Variants in RIMS1 observed in about 807,000 individuals in gnomAD.
The protein encoded by RIMS1 is regulating synaptic membrane exocytosis 1.
In RIMS1, 83 loss-of-function variants were observed where a neutral mutation model predicts 214.1. The observed-to-expected ratio is 0.39, with a 90% CI of 0.32 to 0.47. The LOEUF is 0.47. Among genes scored for constraint, RIMS1 ranks in the 20% least tolerant of loss-of-function variants. The pLI, the probability that RIMS1 is intolerant of heterozygous loss-of-function variation, is 0.99. For missense variants in RIMS1, 2,050 were observed against 2,161.8 expected (o/e 0.95, Z 1.03); for synonymous variants, 793 against 786.8 (o/e 1.01, Z -0.13).
chr6:72,166,574 T>C (rs531961346), intron 4 of RIMS1, among the ~76,000 whole-genome samples: 1 of 152,242 alleles, frequency 6.6e-6, no homozygotes, highest in African/African-American at 2.4e-5. Context: ...TAAACTGTAT[T>C]TTTAAAAATT....
intron 2 of RIMS1, among the ~76,000 whole-genome samples, chr6:71,984,729 CTATGTATCCATCTGTG>C (rs754311249): frequency 2.4e-4 from 36 of 151,532 alleles, no homozygotes; most frequent in Non-Finnish European, 4.9e-4. Context: ...ACCTTCATAT[CTATGTATCCATCTGTG>C]TATGTATGTA....
rs190392984 is a variant in RIMS1, at chr6:72,061,223, A to G, written c.246-35726A>G. ...GAAGGAATTATGAAATACCTGCACT[A>G]TATCTTTGTTGACATTATAATACTA... On this transcript the variant is annotated intron_variant, in intron 2 of 33. Coordinates refer to ENST00000521978, the MANE Select transcript of RIMS1 (RefSeq NM_014989.7). 1.4e-3 allele frequency among the ~76,000 whole-genome samples: 220 copies of G among 152,326 alleles called. 1 individual carries two copies. The highest frequency in any genetic ancestry group is 5.0e-3 in the African/African-American group (207 of 41,568).
intron 29 of RIMS1, among the ~76,000 whole-genome samples, chr6:72,381,616 C>T (rs1008969480): frequency 8.5e-5 from 13 of 152,132 alleles, no homozygotes; most frequent in South Asian, 2.1e-4. Context: ...TTAAAACATA[C>T]GAAAAGCCAT....
rs2079709043 is a variant in RIMS1 at position 72,264,879 on chromosome 6, A to G, written c.3117-96A>G. ...AAAAAATGACCAAAGATTTATCTAT[A>G]TAGCTTTATAGGCCTCCTACTTTCT... is the stretch of plus-strand genomic sequence containing the variant. On this transcript the variant is annotated intron_variant, in intron 19 of 33. Coordinates refer to ENST00000521978, the MANE Select transcript of RIMS1 (RefSeq NM_014989.7). The G allele has an allele frequency of 8.6e-6, 6 of 699,398 alleles. 1 individual carries two copies. The South Asian group carries it at 1.1e-4, about 13-fold the overall frequency. The allele number at this position is 699,398 out of a possible 1,614,324, so 43.3% of individuals were successfully genotyped here. A position where few individuals can be genotyped will look rare whatever the true frequency, so the allele number is the denominator to read the frequency against.
At chr6:72,181,124 T>C (rs1438279229) in intron 5 of RIMS1, among the ~76,000 whole-genome samples, 1 of 152,186 alleles carries the variant, frequency 6.6e-6, no homozygotes, top group Non-Finnish European at 1.5e-5. Flanking sequence ...CACACTATTC[T>C]AGGGAAGACA....
chr6:72,133,097 A>C (rs997313906), intron 4 of RIMS1, among the ~76,000 whole-genome samples: 2 of 152,224 alleles, frequency 1.3e-5, no homozygotes, highest in South Asian at 2.1e-4. Flanking sequence ...GACAGGCAAC[A>C]GGAAATAAGC....
chr6:72,165,454 G>A (rs1317576031), intron 4 of RIMS1, among the ~76,000 whole-genome samples: 1 of 151,866 alleles, frequency 6.6e-6, no homozygotes, highest in Non-Finnish European at 1.5e-5. Flanking sequence ...GGGTCGGTTG[G>A]TCTATTTTCA....
intron 26 of RIMS1, among the ~76,000 whole-genome samples, chr6:72,304,313 TA>T (rs2154277495): frequency 6.6e-6 from 1 of 151,882 alleles, no homozygotes; most frequent in East Asian, 1.9e-4. Flanking sequence ...GTTAAAATAA[TA>T]TAAAAATTTT....
At chr6:72,035,911 A>G (rs1819497427) in intron 2 of RIMS1, among the ~76,000 whole-genome samples, 1 of 152,202 alleles carries the variant, frequency 6.6e-6, no homozygotes, top group African/African-American at 2.4e-5. Context: ...ACTTTTGAAT[A>G]GAAAGGTACT....
chr6:72,304,053 A>G (rs1345766955), intron 26 of RIMS1, among the ~76,000 whole-genome samples: 1 of 151,614 alleles, frequency 6.6e-6, no homozygotes, highest in Non-Finnish European at 1.5e-5. Flanking sequence ...CATTTCTTGT[A>G]AAAAATGAAA....
chr6:72,093,228 AAAAACATGTGTG>A (rs1836809297), intron 2 of RIMS1, among the ~76,000 whole-genome samples: 151 of 136,158 alleles, frequency 1.1e-3, no homozygotes, highest in Middle Eastern at 3.9e-3. Context: ...ATATATATAT[AAAAACATGTGTG>A]TATATATGTA....
Position 72,152,724 on chromosome 6 carries a change from ATATATATGGAATATATGTATATATATG to A in RIMS1, c.472-26843_472-26817del, listed in dbSNP as rs751864687. Among the ~76,000 whole-genome samples, 23 of 142,422 alleles carry A rather than the reference ATATATATGGAATATATGTATATATATG, an allele frequency of 1.6e-4. 4 individuals are homozygous for A. Among genetic ancestry groups the A allele is most frequent in the South Asian group, 2.2e-4 (1 of 4,648 alleles). 93.4% of individuals were successfully genotyped at this position (142,422 alleles called of 152,430 possible). On this transcript the variant is annotated intron_variant, in intron 4 of 33. Coordinates refer to ENST00000521978, the MANE Select transcript of RIMS1 (RefSeq NM_014989.7). ...AATATATGTATATATATGTGAATAT[ATATATATGGAATATATGTATATATATG>A]TATATATATGGAATATATGTATATA...
chr6:72,237,947 A>G, intron 9 of RIMS1, 25 bp downstream of exon 9: 1 of 1,521,908 alleles, frequency 6.6e-7, no homozygotes, highest in Non-Finnish European at 9.1e-7. Flanking sequence ...TTTAATATTT[A>G]AACAGTGTGT....
At chr6:72,353,090 A>G (rs367709286) in intron 29 of RIMS1, among the ~76,000 whole-genome samples, 1 of 143,058 alleles carries the variant, frequency 7.0e-6, no homozygotes, top group East Asian at 2.1e-4. Context: ...TCCCGGGTTC[A>G]AGTGATTCTC....
At chr6:72,356,652 C>T (rs2154377866) in intron 29 of RIMS1, among the ~76,000 whole-genome samples, 1 of 151,630 alleles carries the variant, frequency 6.6e-6, no homozygotes. Context: ...CCCAGCTACT[C>T]AGGAGGCTGA....
intron 4 of RIMS1, among the ~76,000 whole-genome samples, chr6:72,163,033 T>C (rs113802570): frequency 0.069 from 8,448 of 122,126 alleles, 1,052 homozygotes; most frequent in Non-Finnish European, 0.1. Flanking sequence ...ACCTATCAGA[T>C]GTAGATTTGG....
At chr6:71,992,597 TCCTTCTC>T (rs1802138506) in intron 2 of RIMS1, among the ~76,000 whole-genome samples, 1 of 126,544 alleles carries the variant, frequency 7.9e-6, no homozygotes, top group African/African-American at 3.1e-5. Context: ...CTTCTCCTCC[TCCTTCTC>T]CTTCTCCTTC....
At chr6:72,169,472 G>T (rs1443088658) in intron 4 of RIMS1, among the ~76,000 whole-genome samples, 2 of 152,136 alleles carry the variant, frequency 1.3e-5, no homozygotes, top group African/African-American at 4.8e-5. Context: ...TTTTAGCCAG[G>T]AATATGAGAA....
intron 1 of RIMS1, among the ~76,000 whole-genome samples, chr6:71,905,526 T>C (rs574657878): frequency 6.6e-6 from 1 of 152,294 alleles, no homozygotes; most frequent in South Asian, 2.1e-4. Context: ...GAATATTTGC[T>C]GAGCACTAAT....
Sources: allele counts gnomAD v4.1 joint callset (sites outside exome capture counted in the v4.1 genomes callset), GRCh38; gene constraint gnomAD v4.1.1; transcripts MANE v1.5; gene names NCBI Gene and HGNC (gene_info 2026-07-23, HGNC 2026-07-21).